Variants in PDE4A observed in about 807,000 individuals in gnomAD.
PDE4A encodes phosphodiesterase 4A.
A neutral mutation model predicts 73.9 loss-of-function variants in PDE4A; 21 were observed. That is an observed-to-expected ratio of 0.28 (90% confidence interval 0.20 to 0.41). The LOEUF is 0.41. Among genes scored for constraint, PDE4A ranks in the 10% least tolerant of loss-of-function variants. PDE4A has a pLI of 1.00. For synonymous variants in PDE4A, 463 were observed against 505.4 expected, an observed-to-expected ratio of 0.92 and a Z score of 1.13; for missense variants, 958 against 1,211.4, an observed-to-expected ratio of 0.79 and a Z score of 3.10.
At chr19:10,460,081 C>T (rs1252689677) in intron 10 of PDE4A, among the ~76,000 whole-genome samples, 1 of 152,022 alleles carries the variant, frequency 6.6e-6, no homozygotes, top group Non-Finnish European at 1.5e-5. Flanking sequence ...GATGGCGTTT[C>T]GCCAAGTTGG....
intron 14 of PDE4A, chr19:10,464,565 C>A (rs544728433): frequency 1.1e-5 from 4 of 376,402 alleles, no homozygotes; most frequent in Non-Finnish European, 2.1e-5. Context: ...TACAGGTGCA[C>A]ACCACCACAC....
intron 7 of PDE4A, among the ~76,000 whole-genome samples, chr19:10,455,727 C>T (rs1461943627): frequency 6.6e-6 from 1 of 151,690 alleles, no homozygotes; most frequent in Non-Finnish European, 1.5e-5. Flanking sequence ...GCCACTGCTG[C>T]ACTCCAGCCT....
chr19:10,421,346 G>A (rs1218898160), intron 1 of PDE4A: 2 of 985,010 alleles, frequency 2.0e-6, no homozygotes, highest in Admixed American at 6.1e-5. Context: ...GGTTGGGGAA[G>A]GGGGCTGCAC....
intron 2 of PDE4A, among the ~76,000 whole-genome samples, chr19:10,446,862 G>C (rs2043013267): frequency 6.6e-6 from 1 of 151,964 alleles, no homozygotes; most frequent in Admixed American, 6.6e-5. Flanking sequence ...CCAGAGTGCT[G>C]GGATTACAGG....
chr19:10,431,144 C>A, intron 1 of PDE4A: 1 of 1,232,458 alleles, frequency 8.1e-7, no homozygotes, highest in South Asian at 1.6e-5. Flanking sequence ...TGGCGCACTC[C>A]AGGGTCTAGG....
At chr19:10,459,535 G>T (rs772003756) in intron 9 of PDE4A, 37 bp downstream of exon 9, 18 of 1,611,510 alleles carry the variant, frequency 1.1e-5, no homozygotes, top group South Asian at 2.2e-5. Flanking sequence ...CGGGTGAGGG[G>T]CTCATAGCGG....
At chr19:10,420,263 A>G, upstream of PDE4A, 1 of 344,514 alleles carries the variant, frequency 2.9e-6, no homozygotes. This position sits in a 1 kb window ranked among gnomAD's most constrained non-coding sequence, Gnocchi z 6.0. Context: ...AGATCGGATT[A>G]ACCGTTTAAC....
intron 10 of PDE4A, 122 bp downstream of exon 10, chr19:10,459,881 T>A: frequency 4.3e-6 from 5 of 1,169,162 alleles, no homozygotes; most frequent in Non-Finnish European, 5.9e-6. Context: ...CATTTCTCTC[T>A]CTTTTTTTTT....
chr19:10,457,297 C>A (rs775188782), intron 7 of PDE4A, among the ~76,000 whole-genome samples: 1 of 152,068 alleles, frequency 6.6e-6, no homozygotes, highest in Admixed American at 6.6e-5. Context: ...TGTAAATGAC[C>A]CGTATTAGGC....
chr19:10,419,188 C>T, upstream of PDE4A: 1 of 541,160 alleles, frequency 1.8e-6, no homozygotes, highest in Non-Finnish European at 2.3e-6. Flanking sequence ...CCCCGGGTCC[C>T]GCAGCAGAGC....
chr19:10,432,569 C>G, intron 1 of PDE4A: 1 of 1,522,488 alleles, frequency 6.6e-7, no homozygotes, highest in Non-Finnish European at 8.8e-7. Context: ...GCAGATCTGT[C>G]AGGTGGGTGG....
chr19:10,460,813 A>G (rs898453305), intron 10 of PDE4A, 191 bp from the exon 11 acceptor site: 57 of 192,106 alleles, frequency 3.0e-4, no homozygotes, highest in East Asian at 7.5e-4. Flanking sequence ...AAAAAAAAAA[A>G]AAAGAAAGAA....
chr19:10,422,258 G>A (rs1001348032), intron 1 of PDE4A, among the ~76,000 whole-genome samples: 3 of 152,144 alleles, frequency 2.0e-5, no homozygotes, highest in African/African-American at 4.8e-5. Flanking sequence ...GATTGAGTTC[G>A]TGGAACAGTC....
intron 1 of PDE4A, among the ~76,000 whole-genome samples, chr19:10,441,694 T>A (rs565523595): frequency 2.0e-3 from 292 of 145,054 alleles, no homozygotes; most frequent in South Asian, 4.5e-3. Context: ...ATTTTTTTTT[T>A]TTTTTTTTTT....
At chr19:10,417,118 C>T (rs2042595875), upstream of PDE4A, 1 of 1,445,280 alleles carries the variant, frequency 6.9e-7, no homozygotes, top group Admixed American at 2.7e-5. Context: ...GTTTGGTCCC[C>T]TCGTGCCTCA....
At chr19:10,418,687 C>T (rs937861277), upstream of PDE4A, 20 of 891,296 alleles carry the variant, frequency 2.2e-5, no homozygotes, top group East Asian at 1.7e-3. Context: ...CTCAGGCCAC[C>T]GCTCCTCGTT....
intron 1 of PDE4A, among the ~76,000 whole-genome samples, chr19:10,444,155 C>G (rs1299710393): frequency 6.6e-6 from 1 of 151,584 alleles, no homozygotes; most frequent in Non-Finnish European, 1.5e-5. Context: ...TAGAGGTGGG[C>G]AGATCACCTG....
chr19:10,450,661 G>A lies in PDE4A; in HGVS notation c.670+9G>A, dbSNP rs200832203. 157 of 1,607,272 alleles carry A rather than the reference G, an allele frequency of 9.8e-5. 3 individuals carry two copies. In the South Asian group the frequency reaches 1.7e-3, roughly 17 times the overall value. On this transcript the variant is annotated intron_variant, in intron 5 of 14. Coordinates refer to ENST00000380702, the MANE Select transcript of PDE4A (RefSeq NM_001111307.2). The stretch of plus-strand genomic sequence containing the variant: ...CAAGGCCACGCTGTCAGGTAGCTAA[G>A]CCCAGAGGGGTGGGAAGGGGCCCCC...
intron 1 of PDE4A, among the ~76,000 whole-genome samples, chr19:10,438,391 G>A (rs988151670): frequency 1.3e-5 from 2 of 151,630 alleles, no homozygotes; most frequent in Non-Finnish European, 2.9e-5. Context: ...GATTACAGGC[G>A]TGAGCCACCA....
Sources: allele counts gnomAD v4.1 joint callset (sites outside exome capture counted in the v4.1 genomes callset), GRCh38; gene constraint gnomAD v4.1.1; non-coding constraint Gnocchi (gnomAD v3.1); transcripts MANE v1.5; gene names NCBI Gene and HGNC (gene_info 2026-07-23, HGNC 2026-07-21).